Variants in CCDC187 observed in about 807,000 individuals in gnomAD.
CCDC187 encodes coiled-coil domain containing 187, also known as coiled-coil domain-containing protein 187.
CCDC187 carries 32 observed loss-of-function variants against 38.0 expected under a neutral mutation model. The ratio of observed to expected loss-of-function variants is 0.84; its 90% CI spans 0.64 to 1.13. The LOEUF (loss-of-function observed/expected upper bound fraction) is 1.13. Among genes scored for constraint, CCDC187 ranks in the 50% most tolerant of loss-of-function variants. The pLI, the probability that CCDC187 is intolerant of heterozygous loss-of-function variation, is 0.00. For missense variants in CCDC187, 707 were observed against 786.8 expected (o/e 0.90, Z 1.21); for synonymous variants, 333 against 347.9 (o/e 0.96, Z 0.48).
At position 136,293,342 on chromosome 9, in the gene CCDC187, CTCACATGCTCACACACAT is replaced by C. The variant is rs1270118077; in HGVS notation, c.833-1065_833-1048del. ...ACACTCACATGCTTACACACTCACA[CTCACATGCTCACACACAT>C]TCACATGCTCACACACTCACACTCA... is the stretch of plus-strand genomic sequence containing the variant. On this transcript the variant is annotated intron_variant, in intron 4 of 25. Transcript: ENST00000638797. Among the ~76,000 whole-genome samples the C allele has an allele frequency of 2.9e-3, 432 of 147,950 alleles. 9 individuals carry two copies. The highest frequency in any genetic ancestry group is 0.01 in the African/African-American group (414 of 39,576).
Position 136,254,393 on chromosome 9 carries a change from C to T in CCDC187, c.5435G>A (p.Arg1812Gln), listed in dbSNP as rs1302569882. 7 of 984,768 alleles carry T rather than the reference C, an allele frequency of 7.1e-6. No individual in the cohort carries two copies. The highest frequency in any genetic ancestry group is 5.3e-5 in the African/African-American group (3 of 57,108). 61.0% of individuals were successfully genotyped at this position (984,768 alleles called of 1,614,324 possible). A position where few individuals can be genotyped will look rare whatever the true frequency, so the allele number is the denominator to read the frequency against. ...APPSPRSGEG[R>Q]EASGTSESLK... ...GCTCTCGCTGGTCCCAGAAGCTTCC[C>T]GCCCCTCCCCGGACCGTGGGGAGGG... The change falls in exon 26 of 26, where the codon CGG becomes CAG. Residue 1812 changes from arginine to glutamine, a missense_variant. Transcript: ENST00000638797.
At chr9:136,296,489 C>T (rs1156927971) in intron 4 of CCDC187, 1 of 152,294 alleles carries the variant, frequency 6.6e-6, no homozygotes, top group Non-Finnish European at 1.5e-5. Flanking sequence ...CTGTGCAGCC[C>T]CGGGCAGGCT....
At chr9:136,289,907 C>CCA in intron 7 of CCDC187, 52 bp downstream of exon 7, 3 of 245,356 alleles carry the variant, frequency 1.2e-5, no homozygotes, top group Non-Finnish European at 1.9e-5. Context: ...CTGTTCTTGG[C>CCA]CCCCCCCAAG....
In CCDC187 at chr9:136,258,540, C is replaced by CGG. The variant is rs150213476; in HGVS notation, c.4366+390_4366+391dup. Among the ~76,000 whole-genome samples the CGG allele has an allele frequency of 5.1e-4, 77 of 151,614 alleles. 1 individual carries two copies. The East Asian group carries it at 0.011, about 22-fold the overall frequency. ...ACCTGCAAATTGGGGACTTGGCTCT[C>CGG]GGGGGGGGCCCCGGCCAAGTGTAAG... On this transcript the variant is annotated intron_variant, in intron 22 of 25. Coordinates refer to ENST00000638797, the MANE Select transcript of CCDC187 (RefSeq NM_001378188.1). This position sits in a 1 kb window ranked among gnomAD's most constrained non-coding sequence, Gnocchi z 4.3.
chr9:136,293,274 CACTA>C, intron 4 of CCDC187, among the ~76,000 whole-genome samples: 1 of 151,320 alleles, frequency 6.6e-6, no homozygotes, highest in South Asian at 2.1e-4. Context: ...CATGCTTTCA[CACTA>C]ACATGCTCAC....
At chr9:136,301,823 C>T (rs1254248622) in intron 2 of CCDC187, among the ~76,000 whole-genome samples, 1 of 151,944 alleles carries the variant, frequency 6.6e-6, no homozygotes, top group African/African-American at 2.4e-5. Flanking sequence ...CTCCAGACCT[C>T]GTGATCTGCC....
chr9:136,297,342 G>T (rs1351361028), intron 4 of CCDC187, among the ~76,000 whole-genome samples: 1 of 152,102 alleles, frequency 6.6e-6, no homozygotes, highest in Non-Finnish European at 1.5e-5. Context: ...TGCGGGTACC[G>T]TGAGCTGCCA....
intron 6 of CCDC187, 130 bp downstream of exon 6, chr9:136,290,356 C>T (rs1346569728): frequency 2.5e-6 from 1 of 397,658 alleles, no homozygotes; most frequent in African/African-American, 2.1e-5. Flanking sequence ...CACGAAGTCC[C>T]CAGCCCCCAG....
intron 24 of CCDC187, 24 bp downstream of exon 24, chr9:136,256,187 G>A (rs1231665424): frequency 3.0e-5 from 29 of 982,232 alleles, no homozygotes; most frequent in Non-Finnish European, 3.1e-5. Flanking sequence ...CTCCACCCCT[G>A]CTCCAGGGAG....
At chr9:136,282,608 G>C (rs1413973219) in intron 9 of CCDC187, among the ~76,000 whole-genome samples, 20 of 152,216 alleles carry the variant, frequency 1.3e-4, no homozygotes, top group Admixed American at 1.3e-3. Flanking sequence ...CACTGGAGTG[G>C]CTGAAGATGC....
rs1831042186 is a variant in CCDC187, at chr9:136,281,537, A to C, written c.3040+14T>G. Reference sequence around the variant, plus strand: ...ACCAGCCAGCCCAGGGCCTGTCCGCAGGGTCGCCCTTACCGCAGCTCCGGG... The same window carrying C: ...ACCAGCCAGCCCAGGGCCTGTCCGCCGGGTCGCCCTTACCGCAGCTCCGGG... On this transcript the variant is annotated intron_variant, in intron 10 of 25. Transcript: ENST00000638797. 2.5e-6 allele frequency: 1 copy of C among 398,584 alleles called. No homozygotes were observed. The highest frequency in any genetic ancestry group is 4.4e-6 in the Non-Finnish European group (1 of 226,042). 24.7% of individuals were successfully genotyped at this position (398,584 alleles called of 1,614,324 possible).
At chr9:136,297,088 A>T (rs1439610464) in intron 4 of CCDC187, among the ~76,000 whole-genome samples, 1 of 151,904 alleles carries the variant, frequency 6.6e-6, no homozygotes, top group Non-Finnish European at 1.5e-5. Flanking sequence ...TGAGCTGCCC[A>T]CTGCATGTGC....
At chr9:136,283,140 T>G (rs1831086123) in intron 9 of CCDC187, among the ~76,000 whole-genome samples, 1 of 152,182 alleles carries the variant, frequency 6.6e-6, no homozygotes, top group South Asian at 2.1e-4. Flanking sequence ...TCCCAGCTGC[T>G]GGGGAGGCTG....
chr9:136,275,555 C>G (rs1830916146), intron 12 of CCDC187, among the ~76,000 whole-genome samples: 2 of 152,212 alleles, frequency 1.3e-5, no homozygotes, highest in African/African-American at 4.8e-5. Flanking sequence ...CGTGGATGTA[C>G]TTCCCACCAT....
intron 2 of CCDC187, among the ~76,000 whole-genome samples, chr9:136,301,009 C>A (rs969040271): frequency 2.6e-5 from 4 of 152,260 alleles, no homozygotes; most frequent in Non-Finnish European, 5.9e-5. Context: ...GCATCTCACA[C>A]AGAAACGCCT....
rs1373481951 is a variant in CCDC187 at position 136,250,382 on chromosome 9, A to T, written c.*3212T>A. ...TGCAGCCGCCACCGCATTGCGCCGCACGTCAGCACCAACCACGTGGCAGCG... is the reference window on the plus strand; with the variant it reads ...TGCAGCCGCCACCGCATTGCGCCGCTCGTCAGCACCAACCACGTGGCAGCG... On this transcript the variant is annotated 3_prime_UTR_variant, in exon 26 of 26. Transcript: ENST00000638797. 2 of 232,280 alleles carry T rather than the reference A, an allele frequency of 8.6e-6. No homozygotes were observed. The allele number at this position is 232,280 out of a possible 1,614,324, so 14.4% of individuals were successfully genotyped here.
intron 4 of CCDC187, among the ~76,000 whole-genome samples, chr9:136,293,213 GCTCACACA>G (rs1420395087): frequency 1.5e-4 from 17 of 116,752 alleles, no homozygotes; most frequent in Admixed American, 1.3e-3. Context: ...ACAAACACAT[GCTCACACA>G]CTCACACTCA....
intron 4 of CCDC187, among the ~76,000 whole-genome samples, chr9:136,293,524 T>TACTCAC (rs878907490): frequency 3.9e-5 from 2 of 51,224 alleles, no homozygotes; most frequent in Admixed American, 2.4e-4. Flanking sequence ...CATGCTCACA[T>TACTCAC]ACACGCTTAC....
chr9:136,288,835 G>A (rs968888266), intron 7 of CCDC187, among the ~76,000 whole-genome samples: 2 of 152,236 alleles, frequency 1.3e-5, no homozygotes, highest in African/African-American at 4.8e-5. Flanking sequence ...GGACCCTCAC[G>A]CCGGCCGGGG....
Sources: allele counts gnomAD v4.1 joint callset (sites outside exome capture counted in the v4.1 genomes callset), GRCh38; gene constraint gnomAD v4.1.1; non-coding constraint Gnocchi (gnomAD v3.1); transcripts MANE v1.5; gene names NCBI Gene and HGNC (gene_info 2026-07-23, HGNC 2026-07-21).